The following GAS2L3 variants were observed in gnomAD, a reference collection of about 807,000 sequenced individuals.
The protein encoded by GAS2L3 is GAS2-like protein 3.
In GAS2L3, 28 loss-of-function variants were observed where a neutral mutation model predicts 37.0. The observed-to-expected ratio is 0.76, with a 90% CI of 0.56 to 1.04. The LOEUF (loss-of-function observed/expected upper bound fraction) is 1.04, where lower values mean the gene tolerates loss of function less well. Ranked by LOEUF, GAS2L3 falls within the 50% of genes least tolerant of loss-of-function variation. The pLI, the probability that GAS2L3 is intolerant of heterozygous loss-of-function variation, is 0.00. For missense variants in GAS2L3, 793 were observed against 817.6 expected (o/e 0.97, Z 0.37); for synonymous variants, 290 against 296.6 (o/e 0.98, Z 0.23).
chr12:100,580,312 A>T, intron 1 of GAS2L3: 1 of 361,910 alleles, frequency 2.8e-6, no homozygotes, highest in East Asian at 4.5e-5. Flanking sequence ...AAGTTAATTT[A>T]GTAAGTTATG....
At chr12:100,592,539 T>C (rs908452350) in intron 2 of GAS2L3, 1 of 152,158 alleles carries the variant, frequency 6.6e-6, no homozygotes, top group Admixed American at 6.5e-5. Context: ...CAAATTAGAA[T>C]GAAGAGCCTT....
intron 8 of GAS2L3, among the ~76,000 whole-genome samples, chr12:100,619,923 T>C (rs1219767978): frequency 1.3e-5 from 2 of 151,980 alleles, no homozygotes; most frequent in African/African-American, 4.8e-5. Flanking sequence ...GGAAATCAGA[T>C]TAAAACAGCT....
intron 7 of GAS2L3, among the ~76,000 whole-genome samples, chr12:100,618,239 G>A (rs1956211328): frequency 6.6e-6 from 1 of 152,092 alleles, no homozygotes; most frequent in Admixed American, 6.5e-5. Context: ...GGAGCATCCT[G>A]CAACCCAAAT....
At position 100,624,963 on chromosome 12, in the gene GAS2L3, A is replaced by G. The variant is rs554572847; in HGVS notation, c.*73A>G. 2 of 1,202,090 alleles carry G rather than the reference A, an allele frequency of 1.7e-6. No homozygotes were observed. The highest frequency in any genetic ancestry group is 4.7e-5 in the East Asian group (2 of 42,896). The allele number at this position is 1,202,090 out of a possible 1,614,324, so 74.5% of individuals were successfully genotyped here. A position where few individuals can be genotyped will look rare whatever the true frequency, so the allele number is the denominator to read the frequency against. ...GCTTCACATCTTAAAAGTTTCTCCTATTTGTGTCTGTCTAAATAGGTGCAG... is the reference window on the plus strand; with the variant it reads ...GCTTCACATCTTAAAAGTTTCTCCTGTTTGTGTCTGTCTAAATAGGTGCAG... On this transcript the variant is annotated 3_prime_UTR_variant, in exon 10 of 10. Transcript: ENST00000547754.
At chr12:100,585,641 G>C (rs934772109) in intron 1 of GAS2L3, among the ~76,000 whole-genome samples, 3 of 152,172 alleles carry the variant, frequency 2.0e-5, no homozygotes, top group African/African-American at 7.2e-5. Flanking sequence ...CTCTGTCTCT[G>C]CTCAAATTCC....
chr12:100,588,957 T>C (rs1319276935), intron 1 of GAS2L3, among the ~76,000 whole-genome samples: 1 of 152,146 alleles, frequency 6.6e-6, no homozygotes, highest in Non-Finnish European at 1.5e-5. Context: ...TTTTTCAAGG[T>C]GCACTGATTT....
In GAS2L3 at chr12:100,585,448, G is replaced by T. The variant is rs569567879; in HGVS notation, c.-151-6288G>T. Among the ~76,000 whole-genome samples the T allele has an allele frequency of 9.9e-5, 15 of 151,762 alleles. No individual in the cohort carries two copies. In the East Asian group the frequency reaches 2.9e-3, roughly 30 times the overall value. ...TTTTTGTATTTTTAGTAGAGACGGG[G>T]TTTCACCATGTTGGCCAGGCTGGTC... On this transcript the variant is annotated intron_variant, in intron 1 of 9. Transcript: ENST00000547754.
intron 6 of GAS2L3, among the ~76,000 whole-genome samples, chr12:100,613,787 G>T (rs1593184054): frequency 6.6e-6 from 1 of 151,834 alleles, no homozygotes; most frequent in East Asian, 1.9e-4. Context: ...GTAGAGGCTG[G>T]GTTACACCAT....
intron 5 of GAS2L3, 114 bp from the exon 6 acceptor site, chr12:100,611,886 G>A (rs1956131047): frequency 4.2e-6 from 3 of 714,028 alleles, no homozygotes; most frequent in Middle Eastern, 2.6e-4. Flanking sequence ...CTCTAAAATT[G>A]TGTACTTTTT....
At chr12:100,609,947 A>G (rs1393093232) in intron 5 of GAS2L3, among the ~76,000 whole-genome samples, 1 of 152,182 alleles carries the variant, frequency 6.6e-6, no homozygotes, top group South Asian at 2.1e-4. Flanking sequence ...GCAATTTAAG[A>G]CTGTCTTTCC....
intron 1 of GAS2L3, among the ~76,000 whole-genome samples, chr12:100,577,479 A>C (rs544530277): frequency 1.4e-4 from 22 of 152,330 alleles, no homozygotes; most frequent in African/African-American, 5.3e-4. Flanking sequence ...TCAAAAGGAA[A>C]ATTTCAAATA....
At chr12:100,594,957 TGAG>T in intron 3 of GAS2L3, 35 bp downstream of exon 3, 1 of 1,014,246 alleles carries the variant, frequency 9.9e-7, no homozygotes, top group Non-Finnish European at 1.4e-6. Context: ...ATTTAAATTA[TGAG>T]ATTAATATAA....
At position 100,574,171 on chromosome 12, in the gene GAS2L3, G is replaced by C. The variant is rs560978458; in HGVS notation, c.-152+386G>C. 7.8e-4 allele frequency among the ~76,000 whole-genome samples: 119 copies of C among 152,294 alleles called. 1 individual carries two copies. Among genetic ancestry groups the C allele is most frequent in the Non-Finnish European group, 1.5e-3 (103 of 68,018 alleles). ...GGTATCAGAGCCCGAAGGTACTGTGGGATCTTCAGGGGCACCCTCATCCCT... is the reference window on the plus strand; with the variant it reads ...GGTATCAGAGCCCGAAGGTACTGTGCGATCTTCAGGGGCACCCTCATCCCT... On this transcript the variant is annotated intron_variant, in intron 1 of 9. Transcript: ENST00000547754.
rs1016109757 is a variant in GAS2L3, at chr12:100,628,098, T to C, written c.*3208T>C. On this transcript the variant is annotated 3_prime_UTR_variant, in exon 10 of 10. Transcript: ENST00000547754. The stretch of plus-strand genomic sequence containing the variant: ...TGTTTTTCTTCAGTCTTTTTATATC[T>C]ATCTGATTTAAAATCTGTTACTTTA... 6.6e-6 allele frequency: 1 copy of C among 152,236 alleles called. No individual in the cohort carries two copies. Among genetic ancestry groups the C allele is most frequent in the Non-Finnish European group, 1.5e-5 (1 of 68,038 alleles). The allele number at this position is 152,236 out of a possible 1,614,324, so 9.4% of individuals were successfully genotyped here.
At chr12:100,586,517 T>C (rs555788586) in intron 1 of GAS2L3, among the ~76,000 whole-genome samples, 1 of 152,306 alleles carries the variant, frequency 6.6e-6, no homozygotes, top group African/African-American at 2.4e-5. Flanking sequence ...GAAATTTAAA[T>C]GTCATTTGAA....
chr12:100,577,681 C>T (rs1244915573), intron 1 of GAS2L3, among the ~76,000 whole-genome samples: 1 of 152,074 alleles, frequency 6.6e-6, no homozygotes, highest in African/African-American at 2.4e-5. Flanking sequence ...CTGTTAACCA[C>T]CTTAAGGATC....
At position 100,579,537 on chromosome 12, in the gene GAS2L3, C is replaced by G. The variant is rs983975904; in HGVS notation, c.-152+5752C>G. The G allele has an allele frequency of 1.2e-5, 9 of 773,974 alleles. No individual in the cohort carries two copies. In the Admixed American group the frequency reaches 1.5e-4, roughly 13 times the overall value. The allele number at this position is 773,974 out of a possible 1,614,324, so 47.9% of individuals were successfully genotyped here. A position where few individuals can be genotyped will look rare whatever the true frequency, so the allele number is the denominator to read the frequency against. On this transcript the variant is annotated intron_variant, in intron 1 of 9. Coordinates refer to ENST00000547754, the MANE Select transcript of GAS2L3 (RefSeq NM_174942.3). ...AAATTTCATAATTGGAGGAGAGGGACCAAAGAGAATCATTTTGCAAGAAGT... is the reference window on the plus strand; with the variant it reads ...AAATTTCATAATTGGAGGAGAGGGAGCAAAGAGAATCATTTTGCAAGAAGT...
In GAS2L3 at chr12:100,607,063, C is replaced by T. The variant is rs186244011; in HGVS notation, c.304-4937C>T. 2.8e-3 allele frequency among the ~76,000 whole-genome samples: 432 copies of T among 152,282 alleles called. 2 individuals carry two copies. Among genetic ancestry groups the T allele is most frequent in the African/African-American group, 9.8e-3 (407 of 41,570 alleles). On this transcript the variant is annotated intron_variant, in intron 5 of 9. Transcript: ENST00000547754. ...AATATTCTTATTGCTCATTAACATCCTTTTCTTTCAGACTGAAGAACTCAC... is the reference window on the plus strand; with the variant it reads ...AATATTCTTATTGCTCATTAACATCTTTTTCTTTCAGACTGAAGAACTCAC...
chr12:100,623,456 T>C (rs936537289), intron 9 of GAS2L3, 106 bp from the exon 10 acceptor site: 19 of 988,624 alleles, frequency 1.9e-5, no homozygotes, highest in Admixed American at 7.7e-5. Flanking sequence ...TGGCAAATGC[T>C]CTGAATTTTA....
Sources: gnomAD v4.1 joint callset for allele counts (sites outside exome capture counted in the v4.1 genomes callset) on GRCh38, gnomAD v4.1.1 for gene constraint, MANE v1.5 for transcripts, NCBI Gene and HGNC (gene_info 2026-07-23, HGNC 2026-07-21) for gene names.